Variants in TUSC3 observed in about 807,000 individuals in gnomAD.
The protein encoded by TUSC3 is tumor suppressor candidate 3.
A neutral mutation model predicts 44.8 loss-of-function variants in TUSC3; 45 were observed. The ratio of observed to expected loss-of-function variants is 1.00; its 90% CI spans 0.79 to 1.29. The LOEUF (loss-of-function observed/expected upper bound fraction) is 1.29, where lower values mean the gene tolerates loss of function less well. Among genes scored for constraint, TUSC3 ranks in the 50% most tolerant of loss-of-function variants. The pLI is 0.00. For synonymous variants in TUSC3, 212 were observed against 152.9 expected (o/e 1.39, Z -2.85); for missense variants, 519 against 437.9 (o/e 1.19, Z -1.65).
chr8:15,743,349 T>C, intron 7 of TUSC3, 189 bp from the exon 8 acceptor site: 1 of 611,798 alleles, frequency 1.6e-6, no homozygotes, highest in Non-Finnish European at 2.8e-6. Context: ...TTTCAGGTTA[T>C]AAATTTTTAA....
Position 15,423,583 on chromosome 8 carries a change from T to C in TUSC3, n.91+6278T>C, listed in dbSNP as rs148718805. On this transcript the variant is annotated intron_variant and non_coding_transcript_variant, in intron 1 of 5. Coordinates refer to the TUSC3 transcript ENST00000503191. ...GTTAGCTGCCAGTTTGATTTAATTC[T>C]TACTCGATTTTTCTAGTTGTCCTTA... Among the ~76,000 whole-genome samples, 506 of 152,340 alleles carry C rather than the reference T, an allele frequency of 3.3e-3. 4 individuals are homozygous for C. The highest frequency in any genetic ancestry group is 0.011 in the African/African-American group (444 of 41,584).
chr8:15,420,864 C>G (rs1477154691), intron 1 of TUSC3, among the ~76,000 whole-genome samples: 2 of 152,136 alleles, frequency 1.3e-5, no homozygotes, highest in African/African-American at 4.8e-5. Flanking sequence ...ATTCGCTTCT[C>G]CCTAGACTCC....
At chr8:15,424,180 G>A (rs1305735938) in intron 1 of TUSC3, among the ~76,000 whole-genome samples, 1 of 151,232 alleles carries the variant, frequency 6.6e-6, no homozygotes, top group African/African-American at 2.4e-5. Flanking sequence ...GTATAGAGGG[G>A]GTTTCACCAT....
In TUSC3 at chr8:15,748,465, G is replaced by C. The variant is rs1554486894; in HGVS notation, c.1028G>C (p.Ser343Thr). Residue 343 changes from serine to threonine, a missense_variant and splice_region_variant, in exon 9 of 11, where the codon AGT (serine) becomes ACT (threonine). Physicochemically the swap from Ser to Thr is moderately conservative, Grantham distance 58. Transcript: ENST00000503731. ...FRSKYHGYPY[S>T]DLDFE ...TCCAAGTACCACGGCTATCCTTATA[G>C]GTAATATCTTTATACTAACATGAAT... The C allele has an allele frequency of 3.1e-6, 5 of 1,598,406 alleles. No homozygotes were observed. The Middle Eastern group carries it at 8.3e-4, about 265-fold the overall frequency.
At chr8:15,468,663 C>G (rs993847964) in intron 1 of TUSC3, among the ~76,000 whole-genome samples, 3 of 152,090 alleles carry the variant, frequency 2.0e-5, no homozygotes, top group African/African-American at 7.2e-5. Flanking sequence ...TCTTGCCAGA[C>G]TATAAAACCT....
At chr8:15,505,762 GT>G (rs965193621) in intron 2 of TUSC3, among the ~76,000 whole-genome samples, 1 of 151,724 alleles carries the variant, frequency 6.6e-6, no homozygotes, top group African/African-American at 2.4e-5. Flanking sequence ...TTTTTTTTCT[GT>G]TTTTTTTAGT....
At chr8:15,688,388 C>G (rs1304642060) in intron 6 of TUSC3, among the ~76,000 whole-genome samples, 1 of 150,854 alleles carries the variant, frequency 6.6e-6, no homozygotes, top group Non-Finnish European at 1.5e-5. Context: ...TTTTTCGTAA[C>G]CTTACATAAA....
the TUSC3 span, among the ~76,000 whole-genome samples, chr8:15,785,724 G>T: frequency 3.9e-5 from 6 of 152,040 alleles, no homozygotes; most frequent in African/African-American, 9.7e-5. Context: ...CTCACGTGGA[G>T]CTCTGCAATC....
At chr8:15,510,821 A>T (rs1416421087) in intron 2 of TUSC3, among the ~76,000 whole-genome samples, 2 of 152,298 alleles carry the variant, frequency 1.3e-5, no homozygotes, top group East Asian at 3.9e-4. Flanking sequence ...GGACACAAAC[A>T]TTCGAAACAA....
chr8:15,750,503 T>TTTAAG (rs1240429362), intron 9 of TUSC3, among the ~76,000 whole-genome samples: 1 of 152,080 alleles, frequency 6.6e-6, no homozygotes, highest in Non-Finnish European at 1.5e-5. Flanking sequence ...ATAGGAAGAG[T>TTTAAG]TTAAGTTTGT....
chr8:15,840,118 A>C, the TUSC3 span, among the ~76,000 whole-genome samples: 1 of 152,134 alleles, frequency 6.6e-6, no homozygotes. Flanking sequence ...TCAGCAAACT[A>C]TCGCAAGACC....
the TUSC3 span, among the ~76,000 whole-genome samples, chr8:15,778,853 C>G: frequency 2.0e-5 from 3 of 152,116 alleles, no homozygotes; most frequent in Non-Finnish European, 2.9e-5. Flanking sequence ...ATCATTCAGA[C>G]TTGAGTTAGA....
the TUSC3 span, among the ~76,000 whole-genome samples, chr8:15,807,649 G>A: frequency 6.6e-6 from 1 of 152,180 alleles, no homozygotes; most frequent in East Asian, 1.9e-4. Flanking sequence ...TAAAGAAAAT[G>A]TGGTACATAT....
At chr8:15,556,863 C>G (rs571459054) in intron 1 of TUSC3, among the ~76,000 whole-genome samples, 1 of 138,814 alleles carries the variant, frequency 7.2e-6, no homozygotes, top group South Asian at 2.4e-4. Flanking sequence ...TTGTTTTTTT[C>G]TTGTAAATTT....
chr8:15,663,692 T>A (rs980773708), intron 5 of TUSC3, among the ~76,000 whole-genome samples: 1 of 151,940 alleles, frequency 6.6e-6, no homozygotes, highest in African/African-American at 2.4e-5. Flanking sequence ...TCACTTTTGA[T>A]GAATGAGTTA....
At chr8:15,589,915 A>C (rs1563306709) in intron 1 of TUSC3, among the ~76,000 whole-genome samples, 1 of 152,194 alleles carries the variant, frequency 6.6e-6, no homozygotes, top group Non-Finnish European at 1.5e-5. Context: ...ATAGAGTAGG[A>C]AAGAACGGAT....
rs962469685 is a variant in TUSC3, at chr8:15,639,495, A to G, written c.309-11202A>G. On this transcript the variant is annotated intron_variant, in intron 2 of 10. Transcript: ENST00000503731. ...TTATTTCTCTAAAAATGCTTTATTT[A>G]TATAGGTTATAACTGAAATAAATGA... Among the ~76,000 whole-genome samples the G allele has an allele frequency of 2.0e-5, 3 of 152,364 alleles. No homozygotes were observed. The East Asian group carries it at 5.8e-4, about 29-fold the overall frequency.
chr8:15,777,051 G>A, the TUSC3 span, among the ~76,000 whole-genome samples: 19 of 152,114 alleles, frequency 1.2e-4, no homozygotes, highest in Non-Finnish European at 2.4e-4. Flanking sequence ...ACATGTTCTC[G>A]GTTTTTAAGT....
intron 7 of TUSC3, among the ~76,000 whole-genome samples, chr8:15,734,444 A>C (rs1462463004): frequency 6.6e-6 from 1 of 152,204 alleles, no homozygotes; most frequent in Non-Finnish European, 1.5e-5. Context: ...AGAAAACTAT[A>C]TGAAAAAATA....
Sources: allele counts gnomAD v4.1 joint callset (sites outside exome capture counted in the v4.1 genomes callset), GRCh38; gene constraint gnomAD v4.1.1; transcripts MANE v1.5; gene names NCBI Gene and HGNC (gene_info 2026-07-23, HGNC 2026-07-21).